The following TRMT11 variants were observed in gnomAD, a reference collection of about 807,000 sequenced individuals.
TRMT11 encodes the protein tRNA methyltransferase 11.
A neutral mutation model predicts 62.8 loss-of-function variants in TRMT11; 53 were observed. That is an observed-to-expected ratio of 0.84 (90% CI 0.68 to 1.06). The LOEUF is 1.06. Ranked by LOEUF, TRMT11 falls within the 50% of genes least tolerant of loss-of-function variation. TRMT11 has a pLI of 0.00. For synonymous variants in TRMT11, 188 were observed against 190.3 expected, an observed-to-expected ratio of 0.99 and a Z score of 0.10; for missense variants, 556 against 553.4, an observed-to-expected ratio of 1.00 and a Z score of -0.05.
intron 21 of TRMT11, among the ~76,000 whole-genome samples, chr6:126,143,876 G>A (rs997192044): frequency 1.3e-5 from 2 of 152,122 alleles, no homozygotes; most frequent in African/African-American, 4.8e-5. Flanking sequence ...CTAGGATGGG[G>A]CCGCTTGACT....
intron 1 of TRMT11, among the ~76,000 whole-genome samples, chr6:126,193,921 T>C (rs1366612324): frequency 6.6e-6 from 1 of 152,238 alleles, no homozygotes; most frequent in Non-Finnish European, 1.5e-5. Context: ...TTATAATTTC[T>C]TCATTGACCC....
chr6:126,140,052 C>T (rs1232617512), intron 21 of TRMT11, among the ~76,000 whole-genome samples: 2 of 151,992 alleles, frequency 1.3e-5, no homozygotes, highest in African/African-American at 4.8e-5. Context: ...CATATTTCCA[C>T]TAGTGACATT....
chr6:126,087,118 A>G (rs563572725), intron 17 of TRMT11, among the ~76,000 whole-genome samples: 4 of 152,360 alleles, frequency 2.6e-5, no homozygotes, highest in African/African-American at 7.2e-5. Context: ...AAACGTGGTC[A>G]AATTAATAGT....
chr6:126,172,355 G>GAA (rs1778339816), upstream of TRMT11, among the ~76,000 whole-genome samples: 2 of 152,132 alleles, frequency 1.3e-5, no homozygotes, highest in South Asian at 4.1e-4. Context: ...TGTGAGCAGA[G>GAA]AAACACTAAT....
chr6:126,034,871 T>C (rs770333729), intron 12 of TRMT11, among the ~76,000 whole-genome samples: 6 of 151,978 alleles, frequency 3.9e-5, no homozygotes, highest in Non-Finnish European at 8.8e-5. Context: ...TTTGAGATAC[T>C]GTGCTGAAAA....
chr6:126,151,862 C>CTTTCTTTCTTTCT (rs1562334839), intron 21 of TRMT11, among the ~76,000 whole-genome samples: 7 of 112,938 alleles, frequency 6.2e-5, no homozygotes, highest in Non-Finnish European at 1.1e-4. Context: ...TTCTTTCTTT[C>CTTTCTTTCTTTCT]TTTCCTTCTT....
chr6:126,228,347 G>A, the TRMT11 span, among the ~76,000 whole-genome samples: 1 of 152,160 alleles, frequency 6.6e-6, no homozygotes, highest in African/African-American at 2.4e-5. Context: ...CTGCCAGCAC[G>A]AGCATGAATA....
At chr6:126,047,445 AC>A (rs1776091582) in intron 16 of TRMT11, among the ~76,000 whole-genome samples, 1 of 151,616 alleles carries the variant, frequency 6.6e-6, no homozygotes. Context: ...TCATCTTCCC[AC>A]TCCATCCCCT....
At chr6:126,163,969 C>G (rs1424547485) in intron 21 of TRMT11, among the ~76,000 whole-genome samples, 1 of 152,090 alleles carries the variant, frequency 6.6e-6, no homozygotes, top group African/African-American at 2.4e-5. Flanking sequence ...ATGTTGCTGT[C>G]TCCTTCAGTT....
chr6:126,095,512 T>G (rs1777329924), intron 17 of TRMT11, among the ~76,000 whole-genome samples: 1 of 152,212 alleles, frequency 6.6e-6, no homozygotes, highest in Non-Finnish European at 1.5e-5. Flanking sequence ...TTCTTTGCAG[T>G]ATAACCTTCT....
intron 7 of TRMT11, chr6:126,006,697 A>G (rs747832882): frequency 5.3e-5 from 8 of 151,904 alleles, no homozygotes; most frequent in Non-Finnish European, 1.0e-4. Flanking sequence ...TAATCAAAAG[A>G]ACAACTAGAT....
rs114831517 is a variant in TRMT11 at position 126,132,527 on chromosome 6, G to A, written c.*1823+16672G>A. On this transcript the variant is annotated intron_variant and NMD_transcript_variant, in intron 21 of 22. Transcript: ENST00000648977. ...GGCCTAGTCCTATATCTATCTCAAT[G>A]TATAATTTTCCTGCAGTCATACTGT... is the stretch of plus-strand genomic sequence containing the variant. 7.8e-3 allele frequency among the ~76,000 whole-genome samples: 1,180 copies of A among 152,042 alleles called. 14 individuals are homozygous for A. Among genetic ancestry groups the A allele is most frequent in the African/African-American group, 0.026 (1,070 of 41,524 alleles).
chr6:126,188,060 A>AT (rs1778546379), intron 1 of TRMT11, among the ~76,000 whole-genome samples: 1 of 151,938 alleles, frequency 6.6e-6, no homozygotes, highest in African/African-American at 2.4e-5. Context: ...GTAGCCAATG[A>AT]TTTTTTAGAG....
chr6:126,270,466 G>A, the TRMT11 span, among the ~76,000 whole-genome samples: 4 of 152,088 alleles, frequency 2.6e-5, no homozygotes, highest in African/African-American at 9.7e-5. Context: ...CTAGAATGAA[G>A]AGAAAAAGTA....
At chr6:126,204,275 G>A (rs574315075), downstream of TRMT11, among the ~76,000 whole-genome samples, 1 of 152,262 alleles carries the variant, frequency 6.6e-6, no homozygotes, top group African/African-American at 2.4e-5. Flanking sequence ...TGTGGCAGGT[G>A]CAGAATGCAT....
Position 126,093,621 on chromosome 6 carries a change from A to ATTTT in TRMT11, c.*1438-19244_*1438-19243insTTTT, listed in dbSNP as rs1225083747. 1.4e-4 allele frequency among the ~76,000 whole-genome samples: 13 copies of ATTTT among 90,248 alleles called. 1 individual carries two copies. Among genetic ancestry groups the ATTTT allele is most frequent in the African/African-American group, 1.1e-3 (12 of 10,530 alleles). The allele number at this position is 90,248 out of a possible 152,430, so 59.2% of individuals were successfully genotyped here. A position where few individuals can be genotyped will look rare whatever the true frequency, so the allele number is the denominator to read the frequency against. On this transcript the variant is annotated intron_variant and NMD_transcript_variant, in intron 17 of 22. Coordinates refer to the TRMT11 transcript ENST00000648977. ...TATATATATATATATATATATATAT[A>ATTTT]TATATATATATTTTCCCCCAGTCCT...
intron 21 of TRMT11, among the ~76,000 whole-genome samples, chr6:126,157,440 G>A (rs35870481): frequency 0.026 from 4,005 of 152,198 alleles, 101 homozygotes; most frequent in Middle Eastern, 0.065. Context: ...TGCATTCAGG[G>A]AATAGCCTTG....
chr6:126,124,143 T>G (rs994294474), intron 21 of TRMT11, among the ~76,000 whole-genome samples: 1 of 152,122 alleles, frequency 6.6e-6, no homozygotes, highest in African/African-American at 2.4e-5. Flanking sequence ...TAATTATAAA[T>G]GATGTACTAA....
intron 21 of TRMT11, among the ~76,000 whole-genome samples, chr6:126,129,455 A>T (rs1329445221): frequency 6.6e-6 from 1 of 152,132 alleles, no homozygotes; most frequent in Non-Finnish European, 1.5e-5. Context: ...AACCCCTCAC[A>T]TGGTGCCTGA....
Sources: allele counts gnomAD v4.1 joint callset (sites outside exome capture counted in the v4.1 genomes callset), GRCh38; gene constraint gnomAD v4.1.1; transcripts MANE v1.5; gene names NCBI Gene and HGNC (gene_info 2026-07-23, HGNC 2026-07-21).